Variants in UNC13B observed in about 807,000 individuals in gnomAD.
UNC13B encodes the protein unc-13 homolog B.
A neutral mutation model predicts 211.0 loss-of-function variants in UNC13B; 144 were observed. The ratio of observed to expected loss-of-function variants is 0.68; its 90% CI spans 0.60 to 0.78. UNC13B has a LOEUF of 0.78. UNC13B is among the 30% of genes least tolerant of loss of function. The probability of loss-of-function intolerance (pLI) is 0.00; values close to 1 mark genes in which losing one functional copy is unlikely to be tolerated. For synonymous variants in UNC13B, 709 were observed against 725.8 expected, an observed-to-expected ratio of 0.98 and a Z score of 0.37; for missense variants, 1,777 against 2,002.0, an observed-to-expected ratio of 0.89 and a Z score of 2.14.
intron 7 of UNC13B, among the ~76,000 whole-genome samples, chr9:35,294,965 T>C (rs1829279219): frequency 6.6e-6 from 1 of 152,236 alleles, no homozygotes; most frequent in African/African-American, 2.4e-5. Context: ...CTTGGCTGCA[T>C]TGTCAGCAAG....
At chr9:35,295,220 A>G (rs777383919) in intron 7 of UNC13B, among the ~76,000 whole-genome samples, 102 of 152,178 alleles carry the variant, frequency 6.7e-4, no homozygotes, top group Non-Finnish European at 6.8e-4. Context: ...GGTTCAATCC[A>G]TATGTTTAAA....
chr9:35,322,297 T>C (rs1344069951), intron 11 of UNC13B, among the ~76,000 whole-genome samples: 1 of 152,006 alleles, frequency 6.6e-6, no homozygotes, highest in Non-Finnish European at 1.5e-5. Flanking sequence ...CAGAAAAATC[T>C]GGGGGAGGAG....
intron 1 of UNC13B, among the ~76,000 whole-genome samples, chr9:35,168,653 C>G (rs1369487472): frequency 1.3e-5 from 2 of 149,918 alleles, no homozygotes; most frequent in Non-Finnish European, 3.0e-5. Context: ...TTTCCATGTA[C>G]TTTTCTTTCT....
intron 5 of UNC13B, among the ~76,000 whole-genome samples, chr9:35,238,699 G>T (rs1009449628): frequency 1.3e-5 from 2 of 151,968 alleles, no homozygotes; most frequent in African/African-American, 4.8e-5. Context: ...GAGATTACAG[G>T]CTTGTGCTAC....
rs372197543 is a variant in UNC13B at position 35,237,761 on chromosome 9, T to A, written c.329T>A (p.Ile110Asn). The change falls in exon 5 of 40, where the codon ATC becomes AAC. Residue 110 changes from isoleucine to asparagine, a missense_variant. Coordinates refer to ENST00000635942, the MANE Select transcript of UNC13B (RefSeq NM_001371189.2). ...EAETLMKDDE[I>N]CGTRNPTPHK... ...GAGACGTTAATGAAAGACGATGAGA[T>A]CTGTGGAACTAGAAACCCAACTCCT... The A allele has an allele frequency of 1.9e-6, 3 of 1,613,874 alleles. No individual in the cohort carries two copies. The highest frequency in any genetic ancestry group is 2.5e-6 in the Non-Finnish European group (3 of 1,179,962).
At chr9:35,243,052 T>G (rs1231600717) in intron 5 of UNC13B, among the ~76,000 whole-genome samples, 3 of 152,174 alleles carry the variant, frequency 2.0e-5, no homozygotes, top group African/African-American at 7.2e-5. Flanking sequence ...CAGATTATTT[T>G]AGCTCTCTGA....
chr9:35,308,411 AG>A lies in UNC13B; in HGVS notation c.9008+1del. On this transcript the variant is annotated frameshift_variant and splice_region_variant, in exon 9 of 40. Coordinates refer to ENST00000635942, the MANE Select transcript of UNC13B (RefSeq NM_001371189.2). LOFTEE classifies it high-confidence loss of function. ...CATCAAGGAGCCCATGACCAACAAA[AG>A]GCCTGTTCTTAACTCAAGCATCATA... Reference protein sequence around the residue: ...NDIKEPMTNKSPTSSSRYGSS... With the variant: ...NDIKEPMTNKXPTSSSRYGSS... 2.5e-6 allele frequency: 1 copy of A among 398,964 alleles called. No individual in the cohort carries two copies. The highest frequency in any genetic ancestry group is 4.4e-6 in the Non-Finnish European group (1 of 226,030). 24.7% of individuals were successfully genotyped at this position (398,964 alleles called of 1,614,324 possible).
chr9:35,168,703 C>CTTTT (rs34612376), intron 1 of UNC13B, among the ~76,000 whole-genome samples: 1 of 135,852 alleles, frequency 7.4e-6, no homozygotes, highest in Non-Finnish European at 1.6e-5. Flanking sequence ...GTATTACTTG[C>CTTTT]TTTTTTTTTT....
At chr9:35,238,597 C>T (rs1263366648) in intron 5 of UNC13B, among the ~76,000 whole-genome samples, 1 of 151,306 alleles carries the variant, frequency 6.6e-6, no homozygotes, top group Non-Finnish European at 1.5e-5. Context: ...CTTGCTCTGC[C>T]CAGGCTTTAG....
At chr9:35,329,141 C>T (rs2131955032) in intron 11 of UNC13B, among the ~76,000 whole-genome samples, 3 of 152,194 alleles carry the variant, frequency 2.0e-5, no homozygotes, top group Admixed American at 2.0e-4. Context: ...TCACCTTTTC[C>T]TCCTCTCATG....
At chr9:35,234,975 C>T (rs73499308) in intron 3 of UNC13B, among the ~76,000 whole-genome samples, 3,807 of 152,252 alleles carry the variant, frequency 0.025, 173 homozygotes, top group African/African-American at 0.087. Context: ...GCTTTCTCTG[C>T]TGGAATTGGT....
At chr9:35,393,911 CAT>C (rs1835707096) in intron 26 of UNC13B, among the ~76,000 whole-genome samples, 2 of 152,102 alleles carry the variant, frequency 1.3e-5, no homozygotes, top group African/African-American at 2.4e-5. Context: ...GAGCCACTGA[CAT>C]ATGTCAAGCA....
chr9:35,188,416 T>C (rs10814212), intron 1 of UNC13B, among the ~76,000 whole-genome samples: 6,985 of 152,320 alleles, frequency 0.046, 415 homozygotes, highest in East Asian at 0.32. Context: ...TTATAATTGA[T>C]AGCATATACT....
Position 35,242,115 on chromosome 9 carries a change from T to C in UNC13B, c.395-1176T>C, listed in dbSNP as rs148225533. Among the ~76,000 whole-genome samples the C allele has an allele frequency of 4.8e-4, 73 of 152,284 alleles. 1 individual carries two copies. Among genetic ancestry groups the C allele is most frequent in the South Asian group, 3.1e-3 (15 of 4,820 alleles). ...TTAAAAGGTGAGTTTTGGGGAGAAG[T>C]TGTTATAGTCAATGTAAAATGTTTA... On this transcript the variant is annotated intron_variant, in intron 5 of 39. Transcript: ENST00000635942.
intron 4 of UNC13B, 93 bp downstream of exon 4, chr9:35,236,679 C>A: frequency 1.8e-6 from 2 of 1,140,366 alleles, no homozygotes; most frequent in Non-Finnish European, 2.6e-6. Context: ...ATCCATGCAT[C>A]TTGGATTATT....
intron 11 of UNC13B, among the ~76,000 whole-genome samples, chr9:35,357,788 A>G (rs1198497227): frequency 6.6e-6 from 1 of 152,178 alleles, no homozygotes; most frequent in Non-Finnish European, 1.5e-5. Context: ...TATTTAAACC[A>G]TGTTTTTTCT....
chr9:35,243,196 G>A (rs1458380022), intron 5 of UNC13B, 95 bp from the exon 6 acceptor site: 2 of 1,250,500 alleles, frequency 1.6e-6, no homozygotes, highest in African/African-American at 3.0e-5. Flanking sequence ...ACCACCTTCT[G>A]ACTTCAGTCA....
At chr9:35,315,193 A>G (rs1340996679) in intron 11 of UNC13B, among the ~76,000 whole-genome samples, 1 of 151,378 alleles carries the variant, frequency 6.6e-6, no homozygotes, top group Non-Finnish European at 1.5e-5. Flanking sequence ...TACTCAGCCC[A>G]TAATATTTTT....
At chr9:35,399,552 A>G in intron 35 of UNC13B, 97 bp from the exon 36 acceptor site, 1 of 1,601,324 alleles carries the variant, frequency 6.2e-7, no homozygotes, top group Non-Finnish European at 8.6e-7. Context: ...CTGAAGAGGA[A>G]AAGGAGGAGA....
Sources: gnomAD v4.1 joint callset for allele counts (sites outside exome capture counted in the v4.1 genomes callset) on GRCh38, gnomAD v4.1.1 for gene constraint, MANE v1.5 for transcripts, NCBI Gene and HGNC (gene_info 2026-07-23, HGNC 2026-07-21) for gene names.